MTUS1: variants seen among roughly 807,000 people sequenced by gnomAD.
MTUS1 encodes microtubule associated scaffold protein 1.
Under a neutral mutation model 120.8 loss-of-function variants are expected in MTUS1, and 109 were observed. The ratio of observed to expected loss-of-function variants is 0.90; its 90% CI spans 0.77 to 1.06. The LOEUF (loss-of-function observed/expected upper bound fraction) is 1.06, where lower values mean the gene tolerates loss of function less well. Ranked by LOEUF, MTUS1 falls within the 50% of genes least tolerant of loss-of-function variation. The pLI, the probability that MTUS1 is intolerant of heterozygous loss-of-function variation, is 0.00. For synonymous variants in MTUS1, 737 were observed against 550.5 expected, an observed-to-expected ratio of 1.34 and a Z score of -4.74; for missense variants, 2,210 against 1,486.3, an observed-to-expected ratio of 1.49 and a Z score of -8.01.
At position 17,656,208 on chromosome 8, in the gene MTUS1, A is replaced by T. The variant is rs1019525969; in HGVS notation, c.2906-143T>A. On this transcript the variant is annotated intron_variant, in intron 8 of 14. Transcript: ENST00000693296. ...GTCTCTAGTGACCATGTCTTCAAAT[A>T]TAACAGTATGGAAGTGAACTGTAAA... 5 of 736,280 alleles carry T rather than the reference A, an allele frequency of 6.8e-6. No individual in the cohort carries two copies. In the South Asian group the frequency reaches 8.7e-5, roughly 13 times the overall value. The allele number at this position is 736,280 out of a possible 1,614,324, so 45.6% of individuals were successfully genotyped here.
At chr8:17,675,105 C>A in intron 8 of MTUS1, 81 bp downstream of exon 8, 1 of 1,597,128 alleles carries the variant, frequency 6.3e-7, no homozygotes, top group Non-Finnish European at 8.6e-7. Flanking sequence ...CAACTCCAGC[C>A]ACAACGCAGA....
chr8:17,764,940 G>C (rs114501567), intron 1 of MTUS1, among the ~76,000 whole-genome samples: 1 of 152,040 alleles, frequency 6.6e-6, no homozygotes, highest in Non-Finnish European at 1.5e-5. Context: ...ATTTCTATTA[G>C]TATTACATTG....
At chr8:17,747,692 A>G (rs2047876137) in intron 2 of MTUS1, among the ~76,000 whole-genome samples, 1 of 152,162 alleles carries the variant, frequency 6.6e-6, no homozygotes, top group African/African-American at 2.4e-5. Flanking sequence ...ATTCATGTAA[A>G]GACCCCAGAC....
rs1805587618 is a variant in MTUS1, at chr8:17,645,430, T to TA, written c.*495dup. Reference sequence around the variant, plus strand: ...ATTATTTGATTAGTACATATCCAGATATATTCAGATTTTGACATTTAATAC... The same window carrying TA: ...ATTATTTGATTAGTACATATCCAGATAATATTCAGATTTTGACATTTAATAC... On this transcript the variant is annotated 3_prime_UTR_variant, in exon 15 of 15. Transcript: ENST00000693296. The TA allele has an allele frequency of 6.4e-6, 1 of 156,046 alleles. No homozygotes were observed. The highest frequency in any genetic ancestry group is 2.4e-5 in the African/African-American group (1 of 41,466). 9.7% of individuals were successfully genotyped at this position (156,046 alleles called of 1,614,324 possible).
chr8:17,667,491 A>G (rs1333983083), intron 8 of MTUS1, among the ~76,000 whole-genome samples: 2 of 152,228 alleles, frequency 1.3e-5, no homozygotes, highest in African/African-American at 4.8e-5. Flanking sequence ...AGGCAATGTG[A>G]AGTTCATAGA....
intron 6 of MTUS1, among the ~76,000 whole-genome samples, chr8:17,701,339 C>T (rs758541651): frequency 1.3e-5 from 2 of 152,020 alleles, no homozygotes; most frequent in African/African-American, 2.4e-5. Context: ...TTCCTCAGTA[C>T]GAAGATAAAT....
At chr8:17,745,786 G>A (rs1397686696) in intron 2 of MTUS1, among the ~76,000 whole-genome samples, 1 of 152,072 alleles carries the variant, frequency 6.6e-6, no homozygotes, top group African/African-American at 2.4e-5. Context: ...TTCCTTTTCT[G>A]GGTCCTATTC....
intron 1 of MTUS1, among the ~76,000 whole-genome samples, chr8:17,796,953 A>T (rs1484674225): frequency 6.6e-6 from 1 of 152,168 alleles, no homozygotes; most frequent in Non-Finnish European, 1.5e-5. Flanking sequence ...CTCCACTAAA[A>T]ATACAAAAAT....
At chr8:17,778,051 T>G (rs1464970864) in intron 1 of MTUS1, among the ~76,000 whole-genome samples, 1 of 152,216 alleles carries the variant, frequency 6.6e-6, no homozygotes, top group Non-Finnish European at 1.5e-5. Context: ...GGGTCACTGA[T>G]GCCATTTTAT....
intron 1 of MTUS1, among the ~76,000 whole-genome samples, chr8:17,794,198 C>T (rs2052030569): frequency 1.3e-5 from 2 of 152,020 alleles, no homozygotes; most frequent in South Asian, 4.1e-4. Flanking sequence ...CGTGGTGGTG[C>T]ATGCCTGTAA....
intron 5 of MTUS1, among the ~76,000 whole-genome samples, chr8:17,714,426 G>A (rs1360742715): frequency 6.6e-6 from 1 of 152,118 alleles, no homozygotes; most frequent in African/African-American, 2.4e-5. Context: ...TTTCATGCAG[G>A]TTAACCCAGT....
chr8:17,669,810 A>T (rs923416059), intron 8 of MTUS1, among the ~76,000 whole-genome samples: 14 of 152,030 alleles, frequency 9.2e-5, no homozygotes, highest in Admixed American at 2.6e-4. Context: ...ATGCCACTGC[A>T]CTCCAGCATG....
chr8:17,654,728 C>T, intron 9 of MTUS1, 62 bp from the exon 10 acceptor site: 1 of 1,167,010 alleles, frequency 8.6e-7, no homozygotes, highest in Non-Finnish European at 1.3e-6. Context: ...GTTGAATACG[C>T]AAAGCAACCA....
intron 9 of MTUS1, among the ~76,000 whole-genome samples, chr8:17,655,315 A>C (rs1807970964): frequency 6.6e-6 from 1 of 152,122 alleles, no homozygotes; most frequent in Non-Finnish European, 1.5e-5. Flanking sequence ...GAAATGCAAA[A>C]CAATAGTTTG....
In MTUS1 at chr8:17,673,498, C is replaced by A. The variant is rs1016786994; in HGVS notation, c.2905+1688G>T. Among the ~76,000 whole-genome samples, 8 of 152,128 alleles carry A rather than the reference C, an allele frequency of 5.3e-5. No homozygotes were observed. The South Asian group carries it at 1.7e-3, about 32-fold the overall frequency. ...ACAGAGTCTTGCTCTGTTGGCCAGA[C>A]TGGAGGGCAGCAGCACAATGACAGC... On this transcript the variant is annotated intron_variant, in intron 8 of 14. Transcript: ENST00000693296.
At chr8:17,795,362 C>T (rs2052139705) in intron 1 of MTUS1, among the ~76,000 whole-genome samples, 1 of 152,118 alleles carries the variant, frequency 6.6e-6, no homozygotes, top group South Asian at 2.1e-4. Context: ...TTTGATTAGT[C>T]CTCAAATTTA....
At chr8:17,725,263 A>G (rs773116664) in intron 3 of MTUS1, among the ~76,000 whole-genome samples, 5 of 152,188 alleles carry the variant, frequency 3.3e-5, no homozygotes, top group Non-Finnish European at 7.3e-5. Flanking sequence ...ATGCTGCTGG[A>G]AAGTAATGCC....
intron 4 of MTUS1, chr8:17,721,992 A>AG (rs944929409): frequency 8.0e-6 from 11 of 1,376,290 alleles, no homozygotes; most frequent in South Asian, 2.0e-5. Flanking sequence ...ATTCGAATGG[A>AG]GGGAAAAAAA....
At chr8:17,801,014 C>G (rs1247628454) in intron 1 of MTUS1, 47 bp downstream of exon 1, 4 of 152,340 alleles carry the variant, frequency 2.6e-5, no homozygotes, top group African/African-American at 9.6e-5. Flanking sequence ...TGTCCCCTCC[C>G]CACCCCGGCC....
Sources: allele counts gnomAD v4.1 joint callset (sites outside exome capture counted in the v4.1 genomes callset), GRCh38; gene constraint gnomAD v4.1.1; transcripts MANE v1.5; gene names NCBI Gene and HGNC (gene_info 2026-07-23, HGNC 2026-07-21).